The following LTN1 variants were observed in gnomAD, a reference collection of about 807,000 sequenced individuals.
LTN1 encodes listerin E3 ubiquitin protein ligase 1.
In LTN1, 88 loss-of-function variants were observed where a neutral mutation model predicts 201.2. The ratio of observed to expected loss-of-function variants is 0.44; its 90% CI spans 0.37 to 0.52. LTN1 has a LOEUF of 0.52. LTN1 is among the 20% of genes least tolerant of loss of function. The probability of loss-of-function intolerance (pLI) is 0.00; values close to 1 mark genes in which losing one functional copy is unlikely to be tolerated. For missense variants in LTN1, 1,752 were observed against 2,038.7 expected, an observed-to-expected ratio of 0.86 and a Z score of 2.71; for synonymous variants, 645 against 713.5, an observed-to-expected ratio of 0.90 and a Z score of 1.53.
Position 28,967,003 on chromosome 21 carries a change from C to G in LTN1, c.1488G>C (p.Glu496Asp). 1 of 1,614,064 alleles carries G rather than the reference C, an allele frequency of 6.2e-7. No homozygotes were observed. The highest frequency in any genetic ancestry group is 8.5e-7 in the Non-Finnish European group (1 of 1,180,006). Residue 496 changes from glutamate (E) to aspartate (D), a missense_variant, in exon 10 of 30, where the codon GAG (glutamate) becomes GAC (aspartate). Glu to Asp is a conservative substitution (Grantham distance 45). Coordinates refer to ENST00000361371, the MANE Select transcript of LTN1 (RefSeq NM_015565.3). ...VLIHFWERLS[E>D]ICVAKISEPE... ...GCTCACTGATTTTCGCAACACAGAT[C>G]TCTGACAGTCTTTCCCAGAAATGTA... is the stretch of plus-strand genomic sequence containing the variant.
At chr21:28,968,449 T>C (rs2084544367) in intron 9 of LTN1, among the ~76,000 whole-genome samples, 1 of 152,198 alleles carries the variant, frequency 6.6e-6, no homozygotes, top group Admixed American at 6.5e-5. Flanking sequence ...TAAAGAACCA[T>C]ATTCCATAAC....
Position 28,986,437 on chromosome 21 carries a change from T to C in LTN1, c.247-200A>G. 1.5e-6 allele frequency: 1 copy of C among 681,414 alleles called. No homozygotes were observed. The highest frequency in any genetic ancestry group is 2.6e-6 in the Non-Finnish European group (1 of 378,810). 42.2% of individuals were successfully genotyped at this position (681,414 alleles called of 1,614,324 possible). A position where few individuals can be genotyped will look rare whatever the true frequency, so the allele number is the denominator to read the frequency against. On this transcript the variant is annotated intron_variant, in intron 2 of 29. Transcript: ENST00000361371. The surrounding 1 kb of genome is among the most constrained non-coding windows in gnomAD (Gnocchi z 4.1). ...CAGTTGTTTTTTTAAAAATAAAACATCTACAAACAAAAAAACCTCATTTAA... is the reference window on the plus strand; with the variant it reads ...CAGTTGTTTTTTTAAAAATAAAACACCTACAAACAAAAAAACCTCATTTAA...
chr21:28,959,627 C>T lies in LTN1; in HGVS notation c.2424G>A (p.Lys808=). 6.2e-7 allele frequency: 1 copy of T among 1,613,822 alleles called. No individual in the cohort carries two copies. Residue 808 remains lysine, a synonymous_variant, in exon 13 of 30, where the codon AAG becomes AAA. Coordinates refer to ENST00000361371, the MANE Select transcript of LTN1 (RefSeq NM_015565.3). ...VRLHETLFKT[K]KLSEAESSDS... is the part of the protein sequence containing the mutation. ...CACTGCTTTCAGCTTCTGATAATTT[C>T]TTTGTTTTGAATAAAGTTTCATGAA...
At chr21:28,947,927 T>C (rs1387015584) in intron 18 of LTN1, among the ~76,000 whole-genome samples, 1 of 150,722 alleles carries the variant, frequency 6.6e-6, no homozygotes, top group African/African-American at 2.4e-5. Context: ...GTGCGGTGGC[T>C]AATGCCTGTA....
chr21:28,967,376 G>C (rs1408118771), intron 9 of LTN1, among the ~76,000 whole-genome samples, 197 bp from the exon 10 acceptor site: 3 of 152,138 alleles, frequency 2.0e-5, no homozygotes, highest in Non-Finnish European at 1.5e-5. Context: ...TAAAGGGCTA[G>C]AACTTTCAAT....
Position 28,944,456 on chromosome 21 carries a change from T to G in LTN1, c.3909A>C (p.Leu1303=). ...AAAAAAATTCTTTCCATTCACTGAT[T>G]AGATTTACAGGAAGATTGCCAATGG... The part of the protein sequence containing the change: ...LDTIGNLPVN[L]ISEWKEFFSQ... The change falls in exon 22 of 30, where the codon CTA becomes CTC. Residue 1303 remains leucine, a synonymous_variant. Coordinates refer to ENST00000361371, the MANE Select transcript of LTN1 (RefSeq NM_015565.3). The G allele has an allele frequency of 6.2e-7, 1 of 1,614,066 alleles. No homozygotes were observed. The highest frequency in any genetic ancestry group is 1.1e-5 in the South Asian group (1 of 91,088).
rs2084189958 is a variant in LTN1 at position 28,928,936 on chromosome 21, G to C, written c.*1512C>G. On this transcript the variant is annotated 3_prime_UTR_variant, in exon 30 of 30. Transcript: ENST00000361371. ...TGTCAGAAAGAGACATAGAAAGATA[G>C]AGAATATTTTAAGAAAAGGGTTAAC... is the stretch of plus-strand genomic sequence containing the variant. The C allele has an allele frequency of 6.6e-6, 1 of 152,524 alleles. No homozygotes were observed. Among genetic ancestry groups the C allele is most frequent in the South Asian group, 2.1e-4 (1 of 4,830 alleles). The allele number at this position is 152,524 out of a possible 1,614,324, so 9.4% of individuals were successfully genotyped here.
Position 28,956,763 on chromosome 21 carries a change from T to A in LTN1, c.3078A>T (p.Ile1026=). Residue 1026 remains isoleucine (I), a splice_region_variant and synonymous_variant, in exon 16 of 30, where the codon ATA becomes ATT. Transcript: ENST00000361371. ...ATGTAAATACTCATATATACTTACT[T>A]ATTTTCTCAAGCTCATTATTTTCTA... The part of the protein sequence containing the change: ...TVLENNELEK[I]IAELLYSLQW... 6.4e-7 allele frequency: 1 copy of A among 1,566,346 alleles called. No individual in the cohort carries two copies. The highest frequency in any genetic ancestry group is 8.7e-7 in the Non-Finnish European group (1 of 1,148,046).
chr21:28,989,772 C>G (rs1280185141), intron 1 of LTN1, among the ~76,000 whole-genome samples: 1 of 152,136 alleles, frequency 6.6e-6, no homozygotes, highest in Non-Finnish European at 1.5e-5. Context: ...CTTTAGGAGG[C>G]TGAGCGTATC....
chr21:28,955,278 C>A (rs766066966), intron 16 of LTN1, among the ~76,000 whole-genome samples: 4 of 151,724 alleles, frequency 2.6e-5, no homozygotes, highest in African/African-American at 4.8e-5. Context: ...CCTGTCTGGG[C>A]AACATAGTAA....
At position 28,970,567 on chromosome 21, in the gene LTN1, G is replaced by C; in HGVS notation, c.1160C>G (p.Thr387Arg). 1 of 1,611,600 alleles carries C rather than the reference G, an allele frequency of 6.2e-7. No individual in the cohort carries two copies. Among genetic ancestry groups the C allele is most frequent in the Non-Finnish European group, 8.5e-7 (1 of 1,178,666 alleles). ...AATTACTTACCCAGCAACTAGAGACGTGAGGAAATTTTTGAAGAAATCCAA... is the reference window on the plus strand; with the variant it reads ...AATTACTTACCCAGCAACTAGAGACCTGAGGAAATTTTTGAAGAAATCCAA... ...PKLDFFKNFL[T>R]SLVAGLSTER... is the part of the protein sequence containing the mutation. Residue 387 changes from threonine (T) to arginine (R), a missense_variant, in exon 8 of 30, where the codon ACG (threonine) becomes AGG (arginine). Around this residue, in one of 3 missense-constraint regions of LTN1, gnomAD observed 1,211 missense variants for 1,312.8 expected, o/e 0.92. Coordinates refer to ENST00000361371, the MANE Select transcript of LTN1 (RefSeq NM_015565.3).
Position 28,960,869 on chromosome 21 carries a change from T to A in LTN1, c.2164-163A>T. ...CTAGGAAGACTGGTATCCTCCCTGT[T>A]CCCCATTAAGCCTGTATGATGTTCA... On this transcript the variant is annotated intron_variant, in intron 11 of 29. Transcript: ENST00000361371. The A allele has an allele frequency of 5.3e-6, 3 of 569,370 alleles. No individual in the cohort carries two copies. In the South Asian group the frequency reaches 6.5e-5, roughly 12 times the overall value. The allele number at this position is 569,370 out of a possible 1,614,324, so 35.3% of individuals were successfully genotyped here.
intron 6 of LTN1, among the ~76,000 whole-genome samples, chr21:28,973,582 TC>T (rs1174792869): frequency 6.6e-6 from 1 of 152,136 alleles, no homozygotes; most frequent in Non-Finnish European, 1.5e-5. Flanking sequence ...ACAGCAAACT[TC>T]TAGCTATGCC....
intron 26 of LTN1, among the ~76,000 whole-genome samples, chr21:28,935,601 G>A (rs930372383): frequency 1.3e-5 from 2 of 152,128 alleles, no homozygotes; most frequent in Non-Finnish European, 2.9e-5. Flanking sequence ...AGCACTTTGG[G>A]AGGCCGAGGT....
chr21:28,960,260 G>A (rs2084464599), intron 12 of LTN1, among the ~76,000 whole-genome samples: 1 of 151,894 alleles, frequency 6.6e-6, no homozygotes, highest in Admixed American at 6.6e-5. Flanking sequence ...CCAACTACTT[G>A]GGAAGCTGAG....
intron 18 of LTN1, among the ~76,000 whole-genome samples, chr21:28,948,017 C>T (rs1385711807): frequency 6.6e-6 from 1 of 150,816 alleles, no homozygotes; most frequent in Non-Finnish European, 1.5e-5. Flanking sequence ...ATAGTGATAC[C>T]CCATCTCTAC....
intron 9 of LTN1, among the ~76,000 whole-genome samples, chr21:28,968,502 A>G (rs2084544849): frequency 6.6e-6 from 1 of 152,258 alleles, no homozygotes; most frequent in African/African-American, 2.4e-5. Flanking sequence ...AAACTTTCAC[A>G]AAGCATAATT....
At position 28,986,043 on chromosome 21, in the gene LTN1, C is replaced by A. The variant is rs984613663; in HGVS notation, c.345+96G>T. ...ACAATGCTGACATAACATTTAATAACCCTCACCAAAAATCAACATTATAAA... is the reference window on the plus strand; with the variant it reads ...ACAATGCTGACATAACATTTAATAAACCTCACCAAAAATCAACATTATAAA... On this transcript the variant is annotated intron_variant, in intron 3 of 29. Coordinates refer to ENST00000361371, the MANE Select transcript of LTN1 (RefSeq NM_015565.3). The surrounding 1 kb of genome is among the most constrained non-coding windows in gnomAD (Gnocchi z 4.1). 25 of 687,766 alleles carry A rather than the reference C, an allele frequency of 3.6e-5. No individual in the cohort carries two copies. The highest frequency in any genetic ancestry group is 9.9e-5 in the South Asian group (6 of 60,868). The allele number at this position is 687,766 out of a possible 1,614,324, so 42.6% of individuals were successfully genotyped here.
chr21:28,981,922 A>G (rs1429766596), intron 5 of LTN1, among the ~76,000 whole-genome samples: 2 of 152,206 alleles, frequency 1.3e-5, no homozygotes, highest in East Asian at 3.9e-4. Context: ...CTTTTTAAAA[A>G]TGTCACACAG....
Sources: gnomAD v4.1 joint callset for allele counts (sites outside exome capture counted in the v4.1 genomes callset) on GRCh38, gnomAD v4.1.1 for gene constraint, gnomAD v4.1.1 regional missense constraint, Gnocchi (gnomAD v3.1) non-coding constraint, MANE v1.5 for transcripts, NCBI Gene and HGNC (gene_info 2026-07-23, HGNC 2026-07-21) for gene names.